The following RPH3A variants were observed in gnomAD, a reference collection of about 807,000 sequenced individuals.
RPH3A encodes rabphilin 3A, also known as rabphilin-3A.
A neutral mutation model predicts 102.2 loss-of-function variants in RPH3A; 48 were observed. The observed-to-expected ratio is 0.47, with a 90% CI of 0.37 to 0.60. The LOEUF (loss-of-function observed/expected upper bound fraction) is 0.60, where lower values mean the gene tolerates loss of function less well. Among genes scored for constraint, RPH3A ranks in the 20% least tolerant of loss-of-function variants. The pLI is 0.00. For synonymous variants in RPH3A, 310 were observed against 324.3 expected, an observed-to-expected ratio of 0.96 and a Z score of 0.47; for missense variants, 781 against 910.1, an observed-to-expected ratio of 0.86 and a Z score of 1.83.
intron 16 of RPH3A, among the ~76,000 whole-genome samples, chr12:112,886,891 C>T (rs1236953221): frequency 6.6e-6 from 1 of 152,060 alleles, no homozygotes; most frequent in Non-Finnish European, 1.5e-5. Flanking sequence ...GCTCAAATGG[C>T]CATAAAGTAT....
intron 1 of RPH3A, among the ~76,000 whole-genome samples, chr12:112,651,430 G>A (rs12312080): frequency 0.013 from 1,989 of 151,874 alleles, 59 homozygotes; most frequent in African/African-American, 0.046. Flanking sequence ...ACCAACTCCC[G>A]CCCCCAGCTA....
chr12:112,883,208 C>A, intron 15 of RPH3A, 85 bp from the exon 16 acceptor site: 1 of 1,002,924 alleles, frequency 1.0e-6, no homozygotes, highest in Non-Finnish European at 1.5e-6. Context: ...GCCACCCACC[C>A]ACCCCACGTC....
intron 2 of RPH3A, among the ~76,000 whole-genome samples, chr12:112,817,811 C>T (rs1248892804): frequency 1.3e-5 from 2 of 152,114 alleles, no homozygotes; most frequent in Non-Finnish European, 2.9e-5. Flanking sequence ...GCTTGGATGG[C>T]AGTGCCTCTG....
chr12:112,830,371 T>TTA (rs2041948426), intron 3 of RPH3A, among the ~76,000 whole-genome samples: 1 of 152,158 alleles, frequency 6.6e-6, no homozygotes, highest in Non-Finnish European at 1.5e-5. Context: ...AATCTCAAAT[T>TTA]TAATGGCATT....
intron 1 of RPH3A, among the ~76,000 whole-genome samples, chr12:112,636,529 G>C (rs1385073556): frequency 1.3e-5 from 2 of 152,136 alleles, no homozygotes; most frequent in Non-Finnish European, 2.9e-5. Flanking sequence ...GTGGGGCCAG[G>C]TGTGCTAAAC....
chr12:112,755,049 A>G (rs2040812866), intron 1 of RPH3A, among the ~76,000 whole-genome samples: 1 of 152,094 alleles, frequency 6.6e-6, no homozygotes, highest in African/African-American at 2.4e-5. Context: ...TTTATCCCCA[A>G]CACCTAGCCT....
chr12:112,893,834 C>G (rs1483447483), intron 19 of RPH3A: 1 of 152,244 alleles, frequency 6.6e-6, no homozygotes, highest in Non-Finnish European at 1.5e-5. Flanking sequence ...CAGCCTCACC[C>G]AGAAAATATT....
At chr12:112,879,942 G>T (rs1384411782) in intron 14 of RPH3A, among the ~76,000 whole-genome samples, 2 of 152,226 alleles carry the variant, frequency 1.3e-5, no homozygotes, top group Non-Finnish European at 2.9e-5. Flanking sequence ...GTAAATTGGG[G>T]ATAATAGTAG....
chr12:112,835,245 C>T (rs10492025), intron 3 of RPH3A, among the ~76,000 whole-genome samples: 47,633 of 152,034 alleles, frequency 0.31, 7,752 homozygotes, highest in Middle Eastern at 0.39. Context: ...GTTTCCAAAG[C>T]CCTTTTCATG....
At chr12:112,798,286 T>A (rs2041273492) in intron 2 of RPH3A, among the ~76,000 whole-genome samples, 1 of 152,232 alleles carries the variant, frequency 6.6e-6, no homozygotes, top group South Asian at 2.1e-4. Flanking sequence ...GACAGCATCA[T>A]AATGATGTTT....
intron 1 of RPH3A, among the ~76,000 whole-genome samples, chr12:112,670,358 T>A (rs1298938140): frequency 6.6e-6 from 1 of 152,164 alleles, no homozygotes; most frequent in Non-Finnish European, 1.5e-5. Context: ...AATTTCTGTA[T>A]TTTTATTAGA....
At chr12:112,593,496 A>G (rs1398821585) in intron 1 of RPH3A, among the ~76,000 whole-genome samples, 1 of 152,208 alleles carries the variant, frequency 6.6e-6, no homozygotes. Flanking sequence ...ATTAGAATTG[A>G]TGAGTAGGAA....
chr12:112,600,786 C>T (rs1311935174), intron 1 of RPH3A, among the ~76,000 whole-genome samples: 3 of 152,078 alleles, frequency 2.0e-5, no homozygotes, highest in Non-Finnish European at 4.4e-5. Flanking sequence ...ACCTCAGTAC[C>T]AATTTACTAT....
chr12:112,644,648 T>A (rs1048337326), intron 1 of RPH3A, among the ~76,000 whole-genome samples: 2 of 152,238 alleles, frequency 1.3e-5, no homozygotes, highest in African/African-American at 4.8e-5. Flanking sequence ...GGTACTTTCA[T>A]ATGTTAGCTC....
At chr12:112,887,238 A>G (rs2043016306) in intron 16 of RPH3A, among the ~76,000 whole-genome samples, 1 of 152,248 alleles carries the variant, frequency 6.6e-6, no homozygotes, top group East Asian at 1.9e-4. Flanking sequence ...ATAACTCAAA[A>G]CTAGAAACAA....
chr12:112,755,039 T>C (rs368619988), intron 1 of RPH3A, among the ~76,000 whole-genome samples: 7 of 152,198 alleles, frequency 4.6e-5, no homozygotes, highest in Admixed American at 2.0e-4. Context: ...TATTGACAAC[T>C]TTATCCCCAA....
rs115358653 is a variant in RPH3A, at chr12:112,770,630, C to T, written c.-139-21513C>T. Among the ~76,000 whole-genome samples, 719 of 152,228 alleles carry T rather than the reference C, an allele frequency of 4.7e-3. 6 individuals are homozygous for T. Among genetic ancestry groups the T allele is most frequent in the African/African-American group, 0.016 (675 of 41,570 alleles). On this transcript the variant is annotated intron_variant, in intron 1 of 21. Coordinates refer to the RPH3A transcript ENST00000543106. ...AAGTGTTGCAGTTGCTAGGCTCATG[C>T]CTGGCAATTCTGTCATTCTTAAAGT...
chr12:112,867,425 C>T (rs1195205295), intron 7 of RPH3A, among the ~76,000 whole-genome samples: 7 of 152,074 alleles, frequency 4.6e-5, no homozygotes, highest in Non-Finnish European at 1.5e-5. Flanking sequence ...CCTTTGAAAC[C>T]GTGTTTCAAT....
intron 1 of RPH3A, among the ~76,000 whole-genome samples, chr12:112,603,365 A>G (rs142325504): frequency 3.9e-4 from 59 of 152,304 alleles, no homozygotes; most frequent in South Asian, 1.7e-3. Flanking sequence ...ATCTAGCACA[A>G]GAAAGAATTC....
Sources: allele counts gnomAD v4.1 joint callset (sites outside exome capture counted in the v4.1 genomes callset), GRCh38; gene constraint gnomAD v4.1.1; transcripts MANE v1.5; gene names NCBI Gene and HGNC (gene_info 2026-07-23, HGNC 2026-07-21).